The following PHF24 variants were observed in gnomAD, a reference collection of about 807,000 sequenced individuals.
PHF24 encodes Galpha inhibitory interacting protein.
PHF24 carries 25 observed loss-of-function variants against 42.6 expected under a neutral mutation model. That is an observed-to-expected ratio of 0.59 (90% CI 0.43 to 0.82). PHF24 has a LOEUF of 0.82. Among genes scored for constraint, PHF24 ranks in the 40% least tolerant of loss-of-function variants. The pLI is 0.00. For synonymous variants in PHF24, 185 were observed against 204.8 expected (o/e 0.90, Z 0.83); for missense variants, 470 against 538.1 (o/e 0.87, Z 1.25).
At chr9:34,744,374 A>G in the PHF24 span, among the ~76,000 whole-genome samples, 8 of 152,204 alleles carry the variant, frequency 5.3e-5, no homozygotes, top group African/African-American at 1.9e-4. Flanking sequence ...ATAGAGCTGT[A>G]AGTTCAAATT....
At chr9:34,849,070 A>G in the PHF24 span, among the ~76,000 whole-genome samples, 1 of 152,284 alleles carries the variant, frequency 6.6e-6, no homozygotes, top group Admixed American at 6.5e-5. Flanking sequence ...AAAAAATTGT[A>G]TATTCTGTTG....
the PHF24 span, among the ~76,000 whole-genome samples, chr9:34,870,016 C>T: frequency 6.6e-6 from 1 of 152,200 alleles, no homozygotes; most frequent in East Asian, 1.9e-4. Context: ...GCCAGTCTTT[C>T]TCATCAGGTA....
the PHF24 span, among the ~76,000 whole-genome samples, chr9:34,788,405 C>T: frequency 6.6e-6 from 1 of 152,046 alleles, no homozygotes; most frequent in Non-Finnish European, 1.5e-5. Flanking sequence ...GGCACGAGGG[C>T]CTGGAGAAGT....
the PHF24 span, among the ~76,000 whole-genome samples, chr9:34,931,105 C>T: frequency 2.0e-5 from 3 of 152,046 alleles, no homozygotes; most frequent in African/African-American, 7.2e-5. Context: ...AGGCCGAGCG[C>T]GGTGGCTCAC....
the PHF24 span, chr9:34,724,301 T>G: frequency 9.7e-6 from 15 of 1,551,318 alleles, no homozygotes; most frequent in Non-Finnish European, 1.3e-5. Flanking sequence ...AGCTTTGGAA[T>G]TGGATTGCTT....
the PHF24 span, among the ~76,000 whole-genome samples, chr9:34,687,225 A>G: frequency 1.3e-5 from 2 of 152,080 alleles, no homozygotes; most frequent in Non-Finnish European, 2.9e-5. Context: ...AATCCAAGGC[A>G]CTTCACTAGC....
chr9:34,941,559 G>C, the PHF24 span, among the ~76,000 whole-genome samples: 2 of 152,246 alleles, frequency 1.3e-5, no homozygotes, highest in Non-Finnish European at 2.9e-5. Context: ...GTCTGTTCAG[G>C]CTGCTATAGC....
the PHF24 span, chr9:34,689,950 G>C: frequency 1.9e-6 from 3 of 1,614,148 alleles, no homozygotes; most frequent in East Asian, 2.2e-5. The surrounding 1 kb of genome is among the most constrained non-coding windows in gnomAD (Gnocchi z 4.1). Flanking sequence ...GTCCTCTGCA[G>C]TCTCTGGATG....
the PHF24 span, among the ~76,000 whole-genome samples, chr9:34,772,151 A>G: frequency 6.6e-6 from 1 of 152,210 alleles, no homozygotes; most frequent in Non-Finnish European, 1.5e-5. Context: ...AGTTATAATG[A>G]ATTAAATTAA....
At chr9:34,908,400 G>T in the PHF24 span, among the ~76,000 whole-genome samples, 1 of 152,064 alleles carries the variant, frequency 6.6e-6, no homozygotes, top group Admixed American at 6.6e-5. Flanking sequence ...AATCCCTCTG[G>T]GAGCTTTCAT....
the PHF24 span, chr9:34,835,992 G>A: frequency 1.3e-5 from 9 of 691,648 alleles, no homozygotes; most frequent in Non-Finnish European, 1.9e-5. Context: ...TGCAAATTTG[G>A]CAACAGGGAT....
rs1239030981 is a variant in PHF24 at position 34,977,045 on chromosome 9, A to G, written c.850-38A>G. The G allele has an allele frequency of 2.6e-6, 4 of 1,544,950 alleles. No individual in the cohort carries two copies. In the East Asian group the frequency reaches 9.1e-5, roughly 35 times the overall value. The stretch of plus-strand genomic sequence containing the variant: ...TCTCTATGGCTTGGCAGTTTACAAG[A>G]TATCTTCACCTCTAAGATCTTGTCT... On this transcript the variant is annotated intron_variant, in intron 5 of 7. Transcript: ENST00000242315.
chr9:34,960,172 C>G (rs145637357), intron 1 of PHF24, among the ~76,000 whole-genome samples: 1 of 152,264 alleles, frequency 6.6e-6, no homozygotes, highest in Admixed American at 6.5e-5. Context: ...TGTCCAAAAA[C>G]GGAGTGGTGA....
the PHF24 span, among the ~76,000 whole-genome samples, chr9:34,865,384 T>C: frequency 6.6e-6 from 1 of 151,692 alleles, no homozygotes; most frequent in African/African-American, 2.4e-5. Flanking sequence ...GCCAACATTG[T>C]GAAACCCTGC....
chr9:34,917,621 T>A, the PHF24 span: 1 of 776,412 alleles, frequency 1.3e-6, no homozygotes, highest in East Asian at 2.4e-5. Flanking sequence ...CCCCTTTGGT[T>A]GGCCTTCCAG....
the PHF24 span, among the ~76,000 whole-genome samples, chr9:34,694,494 C>A: frequency 6.6e-6 from 1 of 152,108 alleles, no homozygotes; most frequent in African/African-American, 2.4e-5. Context: ...CCACACCCAG[C>A]TAAGTTTTTT....
chr9:34,793,305 C>G, the PHF24 span, among the ~76,000 whole-genome samples: 2 of 152,130 alleles, frequency 1.3e-5, no homozygotes, highest in South Asian at 4.1e-4. Flanking sequence ...ATTGTCAACC[C>G]CATGGATACA....
the PHF24 span, among the ~76,000 whole-genome samples, chr9:34,780,281 CT>C: frequency 1.7e-5 from 2 of 118,366 alleles, no homozygotes; most frequent in African/African-American, 5.9e-5. Context: ...TCTCTTCTTT[CT>C]TTTTTTTCTT....
At chr9:34,666,631 C>G in the PHF24 span, among the ~76,000 whole-genome samples, 1 of 145,920 alleles carries the variant, frequency 6.9e-6, no homozygotes, top group African/African-American at 2.5e-5. Context: ...AGGCACTGTG[C>G]TGGGCATGGG....
Sources: gnomAD v4.1 joint callset for allele counts (sites outside exome capture counted in the v4.1 genomes callset) on GRCh38, gnomAD v4.1.1 for gene constraint, Gnocchi (gnomAD v3.1) non-coding constraint, MANE v1.5 for transcripts, NCBI Gene and HGNC (gene_info 2026-07-23, HGNC 2026-07-21) for gene names.